C1orf116: variants seen among roughly 807,000 people sequenced by gnomAD.
The protein encoded by C1orf116 is chromosome 1 open reading frame 116.
In C1orf116, 12 loss-of-function variants were observed where a neutral mutation model predicts 14.1. The ratio of observed to expected loss-of-function variants is 0.85; its 90% CI spans 0.54 to 1.38. C1orf116 has a LOEUF of 1.38. Ranked by LOEUF, C1orf116 falls within the 40% of genes most tolerant of loss-of-function variation. The pLI is 0.00. For missense variants in C1orf116, 797 were observed against 747.0 expected (o/e 1.07, Z -0.78); for synonymous variants, 296 against 299.0 (o/e 0.99, Z 0.10).
At chr1:207,027,839 C>G (rs1399455814) in intron 1 of C1orf116, among the ~76,000 whole-genome samples, 160 bp from the exon 2 acceptor site, 5 of 152,194 alleles carry the variant, frequency 3.3e-5, no homozygotes, top group Non-Finnish European at 7.4e-5. Flanking sequence ...TGGAAGGACC[C>G]TGAAGCTGGC....
At chr1:207,028,561 C>T (rs1682150694) in intron 1 of C1orf116, among the ~76,000 whole-genome samples, 1 of 152,212 alleles carries the variant, frequency 6.6e-6, no homozygotes, top group African/African-American at 2.4e-5. Flanking sequence ...TGTTGTTGCA[C>T]ACATTCCCAA....
At chr1:207,027,873 CTTAG>C (rs1356757506) in intron 1 of C1orf116, among the ~76,000 whole-genome samples, 194 bp from the exon 2 acceptor site, 1 of 152,238 alleles carries the variant, frequency 6.6e-6, no homozygotes, top group Non-Finnish European at 1.5e-5. Flanking sequence ...GAAGGACAGA[CTTAG>C]TTGGTGGAGA....
Position 207,022,357 on chromosome 1 carries a change from G to T in C1orf116, c.1407C>A (p.Ser469Arg), listed in dbSNP as rs781174363. ...KPESGLTLQE[S>R]NTPGLRQMNF... Reference sequence around the variant, plus strand: ...TCATCTGTCTCAGGCCAGGGGTGTTGCTCTCCTGGAGAGTCAGCCCTGACT... The same window carrying T: ...TCATCTGTCTCAGGCCAGGGGTGTTTCTCTCCTGGAGAGTCAGCCCTGACT... Residue 469 changes from serine to arginine, a missense_variant, in exon 4 of 4, where the codon AGC (serine) becomes AGA (arginine). Coordinates refer to ENST00000359470, the MANE Select transcript of C1orf116 (RefSeq NM_023938.6). 1.2e-6 allele frequency: 2 copies of T among 1,614,062 alleles called. No homozygotes were observed. The highest frequency in any genetic ancestry group is 2.2e-5 in the South Asian group (2 of 91,072).
At chr1:207,028,440 C>T (rs990673077) in intron 1 of C1orf116, among the ~76,000 whole-genome samples, 10 of 152,176 alleles carry the variant, frequency 6.6e-5, no homozygotes, top group East Asian at 1.9e-4. Flanking sequence ...TCACAACCAC[C>T]GCTACGATAC....
At chr1:207,023,567 C>T (rs1014442582) in intron 3 of C1orf116, 87 bp from the exon 4 acceptor site, 4 of 1,474,348 alleles carry the variant, frequency 2.7e-6, no homozygotes, top group Admixed American at 2.5e-5. Flanking sequence ...AAAGCAATGA[C>T]TTCCTGAACT....
At chr1:207,026,473 A>C (rs1042616587) in intron 2 of C1orf116, among the ~76,000 whole-genome samples, 1 of 152,260 alleles carries the variant, frequency 6.6e-6, no homozygotes, top group Admixed American at 6.5e-5. Flanking sequence ...GCCTCAGCCT[A>C]AAAGACATAG....
At position 207,022,394 on chromosome 1, in the gene C1orf116, G is replaced by A. The variant is rs1191373063; in HGVS notation, c.1370C>T (p.Pro457Leu). The A allele has an allele frequency of 6.2e-7, 1 of 1,614,180 alleles. No homozygotes were observed. Among genetic ancestry groups the A allele is most frequent in the Non-Finnish European group, 8.5e-7 (1 of 1,180,006 alleles). The part of the protein sequence containing the change: ...KAPRANSALT[P>L]PKPESGLTLQ... ...AGTCAGCCCTGACTCTGGCTTCGGT[G>A]GAGTCAGGGCACTGTTTGCCCTTGG... is the stretch of plus-strand genomic sequence containing the variant. The change falls in exon 4 of 4, where the codon CCA (proline) becomes CTA (leucine). Residue 457 changes from proline to leucine, a missense_variant. Physicochemically the swap from Pro to Leu is moderately conservative, Grantham distance 98 (BLOSUM62 -3). Coordinates refer to ENST00000359470, the MANE Select transcript of C1orf116 (RefSeq NM_023938.6).
rs1309926611 is a variant in C1orf116 at position 207,022,173 on chromosome 1, C to A, written c.1591G>T (p.Ala531Ser). The change falls in exon 4 of 4, where the codon GCC becomes TCC. Residue 531 changes from alanine (A) to serine (S), a missense_variant. Transcript: ENST00000359470. ...SVLRNSRPRP[A>S]SLGTGKDFAG... is the part of the protein sequence containing the mutation. ...AAATCTTTCCCCGTGCCCAGGGAGG[C>A]CGGGCGGGGCCGAGAATTACGTAAG... 2 of 1,613,494 alleles carry A rather than the reference C, an allele frequency of 1.2e-6. No individual in the cohort carries two copies. Among genetic ancestry groups the A allele is most frequent in the Non-Finnish European group, 1.7e-6 (2 of 1,179,546 alleles).
At chr1:207,029,376 TA>T (rs935577178) in intron 1 of C1orf116, among the ~76,000 whole-genome samples, 35 of 152,220 alleles carry the variant, frequency 2.3e-4, no homozygotes, top group African/African-American at 7.9e-4. Context: ...AGCTCCCCAA[TA>T]CCCAGAAGCT....
At position 207,023,526 on chromosome 1, in the gene C1orf116, G is replaced by A. The variant is rs545026628; in HGVS notation, c.284-46C>T. 23 of 1,539,058 alleles carry A rather than the reference G, an allele frequency of 1.5e-5. No individual in the cohort carries two copies. The South Asian group carries it at 2.8e-4, about 19-fold the overall frequency. On this transcript the variant is annotated intron_variant, in intron 3 of 3. Transcript: ENST00000359470. The stretch of plus-strand genomic sequence containing the variant: ...ATAAAAGAGTGGACAGAAAAAGAGT[G>A]GACAGAGGTGAGGGCCCTGCTGCAG...
Position 207,022,213 on chromosome 1 carries a change from C to T in C1orf116, c.1551G>A (p.Lys517=). The change falls in exon 4 of 4, where the codon AAG becomes AAA. Residue 517 remains lysine (K), a synonymous_variant. Transcript: ENST00000359470. ...AATTACGTAAGACACTGGGCGAGAT[C>T]TTGTCCAAGAAGGAGCCCTTTCCCA... ...TSLGKGSFLD[K]ISPSVLRNSR... is the part of the protein sequence containing the mutation. The T allele has an allele frequency of 6.2e-7, 1 of 1,614,072 alleles. No individual in the cohort carries two copies. Among genetic ancestry groups the T allele is most frequent in the Non-Finnish European group, 8.5e-7 (1 of 1,180,012 alleles).
In C1orf116 at chr1:207,023,404, A is replaced by C. The variant is rs757954124; in HGVS notation, c.360T>G (p.Pro120=). The C allele has an allele frequency of 4.7e-5, 76 of 1,613,862 alleles. No individual in the cohort carries two copies. The highest frequency in any genetic ancestry group is 5.9e-5 in the Non-Finnish European group (70 of 1,179,946). ...ACCTGAGGCCTAGGCCCTGGGGCTC[A>C]GGAGGGTGGGATGAGCTGGACTCAG... ...TVTESSSSHP[P]EPQGLGLRSG... Residue 120 remains proline, a synonymous_variant, in exon 4 of 4, where the codon CCT becomes CCG. Transcript: ENST00000359470.
At chr1:207,024,506 T>G (rs559157668) in intron 3 of C1orf116, among the ~76,000 whole-genome samples, 2 of 152,356 alleles carry the variant, frequency 1.3e-5, no homozygotes, top group Admixed American at 1.3e-4. Context: ...ACCCTTGTCC[T>G]CTGTGTCACC....
At chr1:207,028,171 G>T (rs1045044242) in intron 1 of C1orf116, among the ~76,000 whole-genome samples, 1 of 152,160 alleles carries the variant, frequency 6.6e-6, no homozygotes, top group South Asian at 2.1e-4. Flanking sequence ...AATACCCTAA[G>T]ACCTCATGAG....
intron 1 of C1orf116, among the ~76,000 whole-genome samples, chr1:207,028,286 C>G (rs184883582): frequency 5.3e-5 from 8 of 152,268 alleles, no homozygotes; most frequent in Admixed American, 5.2e-4. Context: ...AAGAAGGGTT[C>G]TGGTTTGATG....
At chr1:207,028,421 T>C (rs189196256) in intron 1 of C1orf116, among the ~76,000 whole-genome samples, 10 of 152,314 alleles carry the variant, frequency 6.6e-5, no homozygotes, top group Non-Finnish European at 1.0e-4. Context: ...GTCAATATCA[T>C]CAACATCATC....
chr1:207,021,701 G>A lies in C1orf116; in HGVS notation c.*257C>T, dbSNP rs900817119. On this transcript the variant is annotated 3_prime_UTR_variant, in exon 4 of 4. Transcript: ENST00000359470. The stretch of plus-strand genomic sequence containing the variant: ...AGTGACTCATTGTGTTATATCAATA[G>A]CTTCAGTGATGTATCCAGCGGCCCC... The A allele has an allele frequency of 1.4e-5, 5 of 348,040 alleles. No individual in the cohort carries two copies. The highest frequency in any genetic ancestry group is 2.6e-5 in the Non-Finnish European group (5 of 192,360). 21.6% of individuals were successfully genotyped at this position (348,040 alleles called of 1,614,324 possible). A position where few individuals can be genotyped will look rare whatever the true frequency, so the allele number is the denominator to read the frequency against.
rs1282276961 is a variant in C1orf116, at chr1:207,022,386, G to C, written c.1378C>G (p.Pro460Ala). The C allele has an allele frequency of 6.2e-7, 1 of 1,614,052 alleles. No homozygotes were observed. Among genetic ancestry groups the C allele is most frequent in the African/African-American group, 1.3e-5 (1 of 74,940 alleles). The change falls in exon 4 of 4, where the codon CCA becomes GCA. Residue 460 changes from proline (P) to alanine (A), a missense_variant. Coordinates refer to ENST00000359470, the MANE Select transcript of C1orf116 (RefSeq NM_023938.6). ...TCCTGGAGAGTCAGCCCTGACTCTGGCTTCGGTGGAGTCAGGGCACTGTTT... is the reference window on the plus strand; with the variant it reads ...TCCTGGAGAGTCAGCCCTGACTCTGCCTTCGGTGGAGTCAGGGCACTGTTT... ...RANSALTPPK[P>A]ESGLTLQESN... is the part of the protein sequence containing the mutation.
At chr1:207,027,819 C>T (rs1682130522) in intron 1 of C1orf116, 140 bp from the exon 2 acceptor site, 2 of 979,660 alleles carry the variant, frequency 2.0e-6, no homozygotes, top group African/African-American at 3.3e-5. Context: ...CCCGACACCC[C>T]CGGCCTGCAT....
Sources: gnomAD v4.1 joint callset for allele counts (sites outside exome capture counted in the v4.1 genomes callset) on GRCh38, gnomAD v4.1.1 for gene constraint, MANE v1.5 for transcripts, NCBI Gene and HGNC (gene_info 2026-07-23, HGNC 2026-07-21) for gene names.